NF2: variants seen among roughly 807,000 people sequenced by gnomAD.
NF2 encodes the protein NF2, moesin-ezrin-radixin like (MERLIN) tumor suppressor, also known as merlin.
A neutral mutation model predicts 83.7 loss-of-function variants in NF2; 8 were observed. That is an observed-to-expected ratio of 0.10 (90% confidence interval 0.06 to 0.17). The LOEUF is 0.17. Ranked by LOEUF, NF2 falls within the 10% of genes least tolerant of loss-of-function variation. The pLI, the probability that NF2 is intolerant of heterozygous loss-of-function variation, is 1.00. For missense variants in NF2, 533 were observed against 744.4 expected (o/e 0.72, Z 3.31); for synonymous variants, 266 against 269.6 (o/e 0.99, Z 0.13).
intron 4 of NF2, among the ~76,000 whole-genome samples, chr22:29,647,550 T>C (rs1416884063): frequency 2.0e-5 from 3 of 152,204 alleles, no homozygotes; most frequent in Non-Finnish European, 4.4e-5. Flanking sequence ...ATAGTTGCCC[T>C]GGTGAGAGAA....
upstream of NF2, chr22:29,603,557 G>A (rs1336575714): frequency 5.2e-6 from 2 of 385,840 alleles, no homozygotes; most frequent in Non-Finnish European, 9.2e-6. Flanking sequence ...TGGGGAGGGT[G>A]CGCTTCCCGC....
intron 12 of NF2, 28 bp downstream of exon 12, chr22:29,673,514 CGAG>C (rs753812523): frequency 1.3e-6 from 2 of 1,591,282 alleles, no homozygotes; most frequent in Non-Finnish European, 1.7e-6. Context: ...ACCAGACTGG[CGAG>C]GAGGCTGGCG....
At chr22:29,664,906 G>A (rs2066575481) in intron 8 of NF2, 84 bp from the exon 9 acceptor site, 3 of 942,180 alleles carry the variant, frequency 3.2e-6, no homozygotes, top group South Asian at 1.4e-5. Context: ...TGTGGCCAGT[G>A]TGGTTGCGCA....
chr22:29,632,432 C>T (rs1203467725), intron 1 of NF2, among the ~76,000 whole-genome samples: 13 of 152,204 alleles, frequency 8.5e-5, no homozygotes. Flanking sequence ...CCCACAGCCG[C>T]TGGGTGTCCT....
chr22:29,660,707 C>T (rs1477447262), intron 7 of NF2, among the ~76,000 whole-genome samples: 2 of 151,982 alleles, frequency 1.3e-5, no homozygotes, highest in Admixed American at 6.5e-5. Flanking sequence ...GGATTACAGG[C>T]GCGTGCCACC....
chr22:29,688,446 G>A (rs1263524369), intron 15 of NF2, among the ~76,000 whole-genome samples: 1 of 152,192 alleles, frequency 6.6e-6, no homozygotes, highest in East Asian at 1.9e-4. Context: ...TTTGATGTTG[G>A]CAATTTTAAA....
chr22:29,681,344 A>C (rs2067128016), intron 14 of NF2, 95 bp from the exon 15 acceptor site: 1 of 1,505,614 alleles, frequency 6.6e-7, no homozygotes, highest in African/African-American at 1.4e-5. Flanking sequence ...CTCAAACCCT[A>C]GATCGCACAC....
At chr22:29,688,071 T>A (rs1057139572) in intron 15 of NF2, among the ~76,000 whole-genome samples, 2 of 152,204 alleles carry the variant, frequency 1.3e-5, no homozygotes, top group Non-Finnish European at 2.9e-5. Context: ...TTTTCTTGCT[T>A]GTTTCTGGTA....
chr22:29,670,003 G>A (rs2066733679), intron 10 of NF2, among the ~76,000 whole-genome samples: 1 of 151,970 alleles, frequency 6.6e-6, no homozygotes. Context: ...GAGATTACCT[G>A]GCTTTTTTTT....
intron 1 of NF2, among the ~76,000 whole-genome samples, chr22:29,618,639 T>C (rs1282928802): frequency 6.6e-6 from 1 of 152,248 alleles, no homozygotes; most frequent in African/African-American, 2.4e-5. Context: ...GGAATTTTAC[T>C]CTAATAATTC....
chr22:29,681,354 C>T, intron 14 of NF2, 85 bp from the exon 15 acceptor site: 1 of 1,564,168 alleles, frequency 6.4e-7, no homozygotes, highest in Non-Finnish European at 8.8e-7. Flanking sequence ...AGATCGCACA[C>T]CAAGCAGCTT....
chr22:29,615,395 A>G (rs573103468), intron 1 of NF2, among the ~76,000 whole-genome samples: 2 of 152,110 alleles, frequency 1.3e-5, no homozygotes, highest in African/African-American at 4.8e-5. Flanking sequence ...CAACAGAGTG[A>G]GACCTTTTCT....
chr22:29,696,479 T>G lies in NF2; in HGVS notation c.*1677T>G. On this transcript the variant is annotated 3_prime_UTR_variant, in exon 16 of 16. Transcript: ENST00000338641. The stretch of plus-strand genomic sequence containing the variant: ...GATAGAGGCTATGGGGGCCTCAAGA[T>G]TTTTGGAGAGCAGAGGTGGTCTCTG... 9.1e-6 allele frequency: 2 copies of G among 219,786 alleles called. No homozygotes were observed. The highest frequency in any genetic ancestry group is 1.8e-5 in the Non-Finnish European group (2 of 109,398). The allele number at this position is 219,786 out of a possible 1,614,324, so 13.6% of individuals were successfully genotyped here.
chr22:29,661,922 A>G (rs1191331190), intron 8 of NF2, among the ~76,000 whole-genome samples: 1 of 152,234 alleles, frequency 6.6e-6, no homozygotes, highest in African/African-American at 2.4e-5. Context: ...CTCAGTAATT[A>G]TATAAATAAG....
chr22:29,693,522 C>G (rs2283864), intron 15 of NF2, among the ~76,000 whole-genome samples: 46,192 of 152,078 alleles, frequency 0.3, 7,378 homozygotes, highest in Non-Finnish European at 0.36. Flanking sequence ...CCGATAGTAC[C>G]GAGGACTCTT....
intron 15 of NF2, among the ~76,000 whole-genome samples, chr22:29,685,496 C>T (rs1306041616): frequency 6.6e-6 from 1 of 152,100 alleles, no homozygotes; most frequent in East Asian, 1.9e-4. Flanking sequence ...CAGCCTCGAC[C>T]TCCTGGGCTC....
At chr22:29,620,361 C>CA (rs2065185780) in intron 1 of NF2, among the ~76,000 whole-genome samples, 1 of 152,120 alleles carries the variant, frequency 6.6e-6, no homozygotes, top group African/African-American at 2.4e-5. Flanking sequence ...TTCGAGGCTG[C>CA]AGTGAGCTAT....
chr22:29,652,304 T>G (rs2066172358), intron 4 of NF2, among the ~76,000 whole-genome samples: 1 of 152,118 alleles, frequency 6.6e-6, no homozygotes, highest in Non-Finnish European at 1.5e-5. Flanking sequence ...TTTATTTTAT[T>G]TTATTTTGTT....
chr22:29,680,063 C>T (rs1040828135), intron 14 of NF2, among the ~76,000 whole-genome samples: 14 of 151,438 alleles, frequency 9.2e-5, no homozygotes, highest in African/African-American at 3.2e-4. Context: ...GGGCACTAAT[C>T]CCATTCATGA....
Sources: allele counts gnomAD v4.1 joint callset (sites outside exome capture counted in the v4.1 genomes callset), GRCh38; gene constraint gnomAD v4.1.1; transcripts MANE v1.5; gene names NCBI Gene and HGNC (gene_info 2026-07-23, HGNC 2026-07-21).